The following FMNL2 variants were observed in gnomAD, a reference collection of about 807,000 sequenced individuals.
FMNL2 encodes formin like 2.
In FMNL2, 51 loss-of-function variants were observed where a neutral mutation model predicts 130.2. The observed-to-expected ratio is 0.39, with a 90% CI of 0.31 to 0.49. The LOEUF (loss-of-function observed/expected upper bound fraction) is 0.49, where lower values mean the gene tolerates loss of function less well. Ranked by LOEUF, FMNL2 falls within the 20% of genes least tolerant of loss-of-function variation. The probability of loss-of-function intolerance (pLI) is 0.85; values close to 1 mark genes in which losing one functional copy is unlikely to be tolerated. For missense variants in FMNL2, 977 were observed against 1,316.2 expected (o/e 0.74, Z 3.99); for synonymous variants, 465 against 467.1 (o/e 1.00, Z 0.06).
intron 1 of FMNL2, among the ~76,000 whole-genome samples, chr2:152,441,686 A>AG (rs1688054843): frequency 6.6e-6 from 1 of 151,546 alleles, no homozygotes; most frequent in East Asian, 1.9e-4. Context: ...AAAATACAAA[A>AG]TTAGTTGGGC....
chr2:152,545,971 T>C (rs1448965719), intron 3 of FMNL2, among the ~76,000 whole-genome samples: 1 of 152,174 alleles, frequency 6.6e-6, no homozygotes, highest in Non-Finnish European at 1.5e-5. Context: ...CTAGGTAGCA[T>C]AGTCAGTGCC....
At chr2:152,526,059 A>G (rs1034115919) in intron 2 of FMNL2, among the ~76,000 whole-genome samples, 2 of 152,170 alleles carry the variant, frequency 1.3e-5, no homozygotes, top group Non-Finnish European at 2.9e-5. Flanking sequence ...TTAAAGAGCA[A>G]ATATATCTCC....
intron 9 of FMNL2, among the ~76,000 whole-genome samples, chr2:152,598,814 A>G (rs927126431): frequency 1.3e-5 from 2 of 152,252 alleles, no homozygotes; most frequent in Admixed American, 1.3e-4. Context: ...CTATAGATAT[A>G]TCTGAAGATA....
chr2:152,583,790 T>G (rs1448717600), intron 9 of FMNL2, among the ~76,000 whole-genome samples: 2 of 152,208 alleles, frequency 1.3e-5, no homozygotes, highest in African/African-American at 2.4e-5. Context: ...TGCAGCTATT[T>G]CAGCAGTTTC....
intron 9 of FMNL2, among the ~76,000 whole-genome samples, chr2:152,595,381 C>T (rs1580053895): frequency 3.3e-5 from 5 of 152,138 alleles, no homozygotes; most frequent in Admixed American, 1.3e-4. Context: ...AGTGCAGTGG[C>T]GCAATCTCGG....
intron 1 of FMNL2, among the ~76,000 whole-genome samples, chr2:152,357,033 A>AAGTTCAATATATCACGATAAATATTACG (rs1560293395): frequency 9.6e-5 from 12 of 124,928 alleles, no homozygotes; most frequent in South Asian, 2.7e-4. Flanking sequence ...TAAATATTAC[A>AAGTTCAATATATCACGATAAATATTACG]TAAGTTTAAT....
chr2:152,568,084 C>T (rs1695953896), intron 6 of FMNL2, among the ~76,000 whole-genome samples: 2 of 152,178 alleles, frequency 1.3e-5, no homozygotes, highest in Admixed American at 6.5e-5. Flanking sequence ...AGGAGAAAGA[C>T]AGACATATAC....
chr2:152,336,081 T>G (rs1681408447), intron 1 of FMNL2, among the ~76,000 whole-genome samples: 1 of 115,298 alleles, frequency 8.7e-6, no homozygotes, highest in African/African-American at 3.3e-5. Context: ...CGCTTAGGCT[T>G]TTTTTTTAAA....
rs1221121827 is a variant in FMNL2, at chr2:152,575,215, A to G, written c.676A>G (p.Met226Val). The G allele has an allele frequency of 2.5e-6, 4 of 1,603,938 alleles. No individual in the cohort carries two copies. Among genetic ancestry groups the G allele is most frequent in the East Asian group, 4.5e-5 (2 of 44,718 alleles). ...GAAAGATGATGTGCATGTCTGTATC[A>G]TGTGTTTACGTGCCATCATGAATTA... ...SKKDDVHVCI[M>V]CLRAIMNYQY... is the part of the protein sequence containing the mutation. Residue 226 changes from methionine to valine, a missense_variant, in exon 7 of 26, where the codon ATG becomes GTG. Physicochemically the swap from Met to Val is conservative, Grantham distance 21. Transcript: ENST00000288670.
intron 1 of FMNL2, among the ~76,000 whole-genome samples, chr2:152,499,105 C>T (rs79407846): frequency 2.0e-5 from 3 of 152,026 alleles, no homozygotes; most frequent in African/African-American, 4.8e-5. Flanking sequence ...TTTTCTTCTC[C>T]GGGAGCTTGG....
chr2:152,407,184 C>G (rs1394681160), intron 1 of FMNL2, among the ~76,000 whole-genome samples: 3 of 121,336 alleles, frequency 2.5e-5, no homozygotes, highest in Non-Finnish European at 5.0e-5. Context: ...AAATATTTTT[C>G]ACTTTCTGTT....
At chr2:152,405,484 G>A (rs979072681) in intron 1 of FMNL2, among the ~76,000 whole-genome samples, 1 of 152,178 alleles carries the variant, frequency 6.6e-6, no homozygotes, top group African/African-American at 2.4e-5. Flanking sequence ...AAACCCCAAA[G>A]CAAGCATAGC....
intron 18 of FMNL2, 56 bp downstream of exon 18, chr2:152,628,589 T>C: frequency 6.8e-7 from 1 of 1,475,836 alleles, no homozygotes; most frequent in Admixed American, 1.7e-5. Context: ...GAATCGTTAT[T>C]TTTTAAAGTC....
rs753947728 is a variant in FMNL2 at position 152,578,929 on chromosome 2, T to C, written c.747T>C (p.Asn249=). The part of the protein sequence containing the change: ...NMVMSHPHAV[N]EIALSLNNKN... ...TCATGTCTCATCCACACGCTGTCAATGAGATTGCACTAAGCCTGAACAACA... is the reference window on the plus strand; with the variant it reads ...TCATGTCTCATCCACACGCTGTCAACGAGATTGCACTAAGCCTGAACAACA... The change falls in exon 8 of 26, where the codon AAT becomes AAC. Residue 249 remains asparagine, a synonymous_variant. Coordinates refer to ENST00000288670, the MANE Select transcript of FMNL2 (RefSeq NM_052905.4). 29 of 1,613,228 alleles carry C rather than the reference T, an allele frequency of 1.8e-5. No individual in the cohort carries two copies. In the Admixed American group the frequency reaches 4.3e-4, roughly 24 times the overall value.
intron 1 of FMNL2, among the ~76,000 whole-genome samples, chr2:152,336,111 AC>A (rs1681422286): frequency 1.3e-5 from 2 of 150,328 alleles, no homozygotes; most frequent in Non-Finnish European, 3.0e-5. Flanking sequence ...ACAAAACAAA[AC>A]AAAACAAAAC....
chr2:152,626,485 A>T, intron 16 of FMNL2, 40 bp from the exon 17 acceptor site: 3 of 1,522,228 alleles, frequency 2.0e-6, no homozygotes, highest in Middle Eastern at 3.4e-4. Context: ...TCATTTTTAA[A>T]TATAATCCAA....
chr2:152,579,315 C>T (rs1696645807), intron 8 of FMNL2, among the ~76,000 whole-genome samples: 1 of 152,164 alleles, frequency 6.6e-6, no homozygotes, highest in South Asian at 2.1e-4. Context: ...TCAGTTATTG[C>T]TGGAAGCTAG....
At chr2:152,593,860 A>AGAGAGAGT (rs1365489869) in intron 9 of FMNL2, among the ~76,000 whole-genome samples, 37 of 113,334 alleles carry the variant, frequency 3.3e-4, no homozygotes, top group East Asian at 5.9e-4. Flanking sequence ...AGAGAGAGAG[A>AGAGAGAGT]GTGTGTGTGT....
At chr2:152,544,770 G>A (rs1490253267) in intron 3 of FMNL2, among the ~76,000 whole-genome samples, 4 of 152,148 alleles carry the variant, frequency 2.6e-5, no homozygotes, top group East Asian at 1.9e-4. Context: ...TGCTGCTTAG[G>A]CCCCCACTTC....
Sources: gnomAD v4.1 joint callset for allele counts (sites outside exome capture counted in the v4.1 genomes callset) on GRCh38, gnomAD v4.1.1 for gene constraint, MANE v1.5 for transcripts, NCBI Gene and HGNC (gene_info 2026-07-23, HGNC 2026-07-21) for gene names.